The following MIB1 variants were observed in gnomAD, a reference collection of about 807,000 sequenced individuals.
The protein encoded by MIB1 is MIB E3 ubiquitin protein ligase 1, also known as E3 ubiquitin-protein ligase MIB1.
In MIB1, 278 loss-of-function variants were observed where a neutral mutation model predicts 124.5. The observed-to-expected ratio is 2.23, with a 90% CI of 2.02 to 2.47. MIB1 has a LOEUF of 2.47. MIB1 is among the 30% of genes most tolerant of loss of function. MIB1 has a pLI of 0.00. For missense variants in MIB1, 957 were observed against 1,254.4 expected (o/e 0.76, Z 3.58); for synonymous variants, 446 against 429.4 (o/e 1.04, Z -0.48).
intron 10 of MIB1, among the ~76,000 whole-genome samples, chr18:21,815,325 T>C (rs1568213098): frequency 6.6e-6 from 1 of 151,776 alleles, no homozygotes; most frequent in Non-Finnish European, 1.5e-5. Context: ...GGTGCCACCA[T>C]GCCTGGCTCT....
At position 21,748,972 on chromosome 18, in the gene MIB1, C is replaced by A. The variant is rs1260560619; in HGVS notation, c.229+7160C>A. Among the ~76,000 whole-genome samples the A allele has an allele frequency of 2.6e-5, 4 of 151,908 alleles. No individual in the cohort carries two copies. In the East Asian group the frequency reaches 7.7e-4, roughly 29 times the overall value. ...ACCCAGGCTGGTCTCAAACTCTTGG[C>A]CTCAAGTGATCCTTCAACCTCAGCA... On this transcript the variant is annotated intron_variant, in intron 1 of 20. Transcript: ENST00000261537.
chr18:21,746,514 T>C (rs1465890992), intron 1 of MIB1, among the ~76,000 whole-genome samples: 1 of 152,242 alleles, frequency 6.6e-6, no homozygotes, highest in Non-Finnish European at 1.5e-5. Flanking sequence ...GGATGTTATT[T>C]AATTAGTTTG....
chr18:21,765,599 A>G (rs1263994980), intron 1 of MIB1, among the ~76,000 whole-genome samples, 173 bp from the exon 2 acceptor site: 3 of 152,242 alleles, frequency 2.0e-5, no homozygotes, highest in African/African-American at 4.8e-5. Context: ...CGCATTTATT[A>G]ACGTAGTTGA....
At chr18:21,742,035 C>G (rs1319554004) in intron 1 of MIB1, among the ~76,000 whole-genome samples, 1 of 152,210 alleles carries the variant, frequency 6.6e-6, no homozygotes, top group African/African-American at 2.4e-5. Context: ...GATGGCAGCA[C>G]CATCACCGGG....
At position 21,768,691 on chromosome 18, in the gene MIB1, T is replaced by A. The variant is rs2041192092; in HGVS notation, c.470T>A (p.Val157Glu). Residue 157 changes from valine (V) to glutamate (E), a missense_variant, in exon 3 of 21, where the codon GTG (valine) becomes GAG (glutamate). By Grantham distance (121) the Val-to-Glu change is moderately radical. Transcript: ENST00000261537. ...TARGIFAGAR[V>E]VRGVDWQWED... ...AGAGGAATCTTTGCAGGTGCCAGAG[T>A]GGTGCGAGGAGTGGACTGGCAGTGG... 1.2e-6 allele frequency: 2 copies of A among 1,608,978 alleles called. No individual in the cohort carries two copies. The highest frequency in any genetic ancestry group is 1.7e-6 in the Non-Finnish European group (2 of 1,177,624).
intron 1 of MIB1, among the ~76,000 whole-genome samples, chr18:21,746,047 TA>T (rs558758406): frequency 6.6e-6 from 1 of 151,928 alleles, no homozygotes; most frequent in Non-Finnish European, 1.5e-5. Context: ...GTACTTAATT[TA>T]AAAAAAAGCC....
intron 1 of MIB1, among the ~76,000 whole-genome samples, chr18:21,715,059 A>T (rs1442751130): frequency 6.6e-6 from 1 of 152,150 alleles, no homozygotes; most frequent in Non-Finnish European, 1.5e-5. Flanking sequence ...TCCAGGAATA[A>T]ATCAGAAAGT....
At chr18:21,733,848 G>A (rs1376401514) in intron 1 of MIB1, among the ~76,000 whole-genome samples, 1 of 151,932 alleles carries the variant, frequency 6.6e-6, no homozygotes, top group African/African-American at 2.4e-5. Flanking sequence ...TGGGATTATA[G>A]GCATGTGCCA....
chr18:21,775,876 A>G (rs1246920165), intron 4 of MIB1, among the ~76,000 whole-genome samples: 2 of 152,218 alleles, frequency 1.3e-5, no homozygotes, highest in Admixed American at 6.5e-5. Context: ...GCAGTGTGTC[A>G]GTAAGCATCC....
Position 21,865,420 on chromosome 18 carries a change from T to A in MIB1, c.*754T>A, listed in dbSNP as rs1390743657. 6.6e-6 allele frequency: 1 copy of A among 152,198 alleles called. No homozygotes were observed. Among genetic ancestry groups the A allele is most frequent in the Non-Finnish European group, 1.5e-5 (1 of 68,016 alleles). The allele number at this position is 152,198 out of a possible 1,614,324, so 9.4% of individuals were successfully genotyped here. A position where few individuals can be genotyped will look rare whatever the true frequency, so the allele number is the denominator to read the frequency against. On this transcript the variant is annotated 3_prime_UTR_variant, in exon 21 of 21. Coordinates refer to ENST00000261537, the MANE Select transcript of MIB1 (RefSeq NM_020774.4). ...AAAAAAAAAACGAGTATCTATTAAC[T>A]GGCCACTAACAGTTGCCTTTCTTAC...
chr18:21,791,852 T>C (rs1385291892), intron 7 of MIB1, among the ~76,000 whole-genome samples: 2 of 152,176 alleles, frequency 1.3e-5, no homozygotes, highest in African/African-American at 2.4e-5. Flanking sequence ...CAGAATGATA[T>C]AGGTCTATGC....
At chr18:21,834,452 A>G (rs970737205) in intron 12 of MIB1, among the ~76,000 whole-genome samples, 1 of 152,170 alleles carries the variant, frequency 6.6e-6, no homozygotes, top group East Asian at 1.9e-4. Context: ...TTCCTTCCTA[A>G]GAGCATAGTT....
intron 7 of MIB1, among the ~76,000 whole-genome samples, chr18:21,796,791 T>A (rs1460096732): frequency 6.6e-6 from 1 of 152,186 alleles, no homozygotes; most frequent in Non-Finnish European, 1.5e-5. Flanking sequence ...ACAAGGAAGC[T>A]GTCACTGGTT....
intron 1 of MIB1, among the ~76,000 whole-genome samples, chr18:21,714,932 T>C (rs531444618): frequency 3.9e-5 from 6 of 152,248 alleles, no homozygotes; most frequent in East Asian, 3.9e-4. Context: ...AGGCAGTAAA[T>C]TGGGGGGGAT....
rs774725850 is a variant in MIB1, at chr18:21,835,801, CCA to C, written c.1830-2527_1830-2526del. Reference sequence around the variant, plus strand: ...AAAAAAAAAATATATATATATATATCCACACACACACACACACACACACACAC... The same window carrying C: ...AAAAAAAAAATATATATATATATATCCACACACACACACACACACACACAC... On this transcript the variant is annotated intron_variant, in intron 12 of 20. Transcript: ENST00000261537. Among the ~76,000 whole-genome samples, 308 of 101,578 alleles carry C rather than the reference CCA, an allele frequency of 3.0e-3. 1 individual carries two copies. The highest frequency in any genetic ancestry group is 0.011 in the African/African-American group (290 of 25,912). 66.6% of individuals were successfully genotyped at this position (101,578 alleles called of 152,430 possible). A position where few individuals can be genotyped will look rare whatever the true frequency, so the allele number is the denominator to read the frequency against.
chr18:21,779,837 G>T (rs1472364882), intron 6 of MIB1, 152 bp downstream of exon 6: 1 of 642,272 alleles, frequency 1.6e-6, no homozygotes, highest in Admixed American at 2.7e-5. Flanking sequence ...TGGTAAGGTG[G>T]AGAGAAACAA....
In MIB1 at chr18:21,768,677, T is replaced by C. The variant is rs775214830; in HGVS notation, c.456T>C (p.Phe152=). The C allele has an allele frequency of 1.2e-6, 2 of 1,606,124 alleles. No individual in the cohort carries two copies. The highest frequency in any genetic ancestry group is 4.5e-5 in the East Asian group (2 of 44,718). Residue 152 remains phenylalanine (F), a synonymous_variant, in exon 3 of 21, where the codon TTT becomes TTC. Coordinates refer to ENST00000261537, the MANE Select transcript of MIB1 (RefSeq NM_020774.4). ...AGAAGATTACAGCCAGAGGAATCTT[T>C]GCAGGTGCCAGAGTGGTGCGAGGAG... ...KSKKITARGI[F]AGARVVRGVD... is the part of the protein sequence containing the mutation.
chr18:21,750,662 C>T (rs934067277), intron 1 of MIB1, among the ~76,000 whole-genome samples: 1 of 151,998 alleles, frequency 6.6e-6, no homozygotes, highest in African/African-American at 2.4e-5. Flanking sequence ...TGGGGTTTCA[C>T]CATGTTGGCC....
chr18:21,765,206 G>T (rs1272154098), intron 1 of MIB1, among the ~76,000 whole-genome samples: 1 of 152,084 alleles, frequency 6.6e-6, no homozygotes, highest in Non-Finnish European at 1.5e-5. Flanking sequence ...TTCCTAAGGG[G>T]ATAAAACCCC....
Sources: allele counts gnomAD v4.1 joint callset (sites outside exome capture counted in the v4.1 genomes callset), GRCh38; gene constraint gnomAD v4.1.1; transcripts MANE v1.5; gene names NCBI Gene and HGNC (gene_info 2026-07-23, HGNC 2026-07-21).